The following PRKCA variants were observed in gnomAD, a reference collection of about 807,000 sequenced individuals.
The protein encoded by PRKCA is protein kinase C alpha.
A neutral mutation model predicts 87.0 loss-of-function variants in PRKCA; 27 were observed. That is an observed-to-expected ratio of 0.31 (90% CI 0.23 to 0.43). The LOEUF (loss-of-function observed/expected upper bound fraction) is 0.43. Among genes scored for constraint, PRKCA ranks in the 20% least tolerant of loss-of-function variants. The pLI, the probability that PRKCA is intolerant of heterozygous loss-of-function variation, is 1.00. For synonymous variants in PRKCA, 329 were observed against 311.1 expected (o/e 1.06, Z -0.61); for missense variants, 518 against 852.3 (o/e 0.61, Z 4.88).
chr17:66,321,183 G>A (rs946906000), intron 2 of PRKCA, among the ~76,000 whole-genome samples: 1 of 152,122 alleles, frequency 6.6e-6, no homozygotes, highest in Non-Finnish European at 1.5e-5. Flanking sequence ...ATATTCCATG[G>A]AAAATTTTCC....
At chr17:66,446,516 A>T (rs1219606489) in intron 2 of PRKCA, among the ~76,000 whole-genome samples, 1 of 152,228 alleles carries the variant, frequency 6.6e-6, no homozygotes, top group Non-Finnish European at 1.5e-5. Context: ...CTTGTTTTTC[A>T]TAAGCAGTTG....
At chr17:66,611,639 A>G (rs1970367591) in intron 3 of PRKCA, among the ~76,000 whole-genome samples, 1 of 152,240 alleles carries the variant, frequency 6.6e-6, no homozygotes, top group African/African-American at 2.4e-5. Context: ...TAATTCTGCC[A>G]TGAACATTAC....
At chr17:66,340,366 C>CTTTTTTTTTTTTTTT (rs60167119) in intron 2 of PRKCA, among the ~76,000 whole-genome samples, 1 of 124,200 alleles carries the variant, frequency 8.1e-6, no homozygotes, top group Non-Finnish European at 1.6e-5. Context: ...TGTTTGGTTT[C>CTTTTTTTTTTTTTTT]TTTTTTTTTT....
chr17:66,789,114 A>G, intron 16 of PRKCA, 135 bp downstream of exon 16: 1 of 1,113,790 alleles, frequency 9.0e-7, no homozygotes, highest in South Asian at 1.4e-5. Context: ...GCCAGGTTTC[A>G]GCCTTGTCCT....
chr17:66,457,563 T>C (rs1173010474), intron 2 of PRKCA, among the ~76,000 whole-genome samples: 1 of 152,124 alleles, frequency 6.6e-6, no homozygotes, highest in East Asian at 1.9e-4. Flanking sequence ...TGAACTGTAG[T>C]TCCCATAATC....
chr17:66,676,121 C>G (rs1031734652), intron 5 of PRKCA, among the ~76,000 whole-genome samples: 1 of 152,162 alleles, frequency 6.6e-6, no homozygotes, highest in Non-Finnish European at 1.5e-5. Context: ...CGTGAGGGAA[C>G]TGGCAGCTTC....
chr17:66,504,907 G>C (rs1451875267), intron 3 of PRKCA, among the ~76,000 whole-genome samples: 2 of 152,162 alleles, frequency 1.3e-5, no homozygotes, highest in Non-Finnish European at 2.9e-5. Flanking sequence ...AGAGTGCAAG[G>C]AGGGAAGCCT....
chr17:66,786,864 C>G lies in PRKCA; in HGVS notation c.1606-3C>G, dbSNP rs1975410272. 6.2e-7 allele frequency: 1 copy of G among 1,611,282 alleles called. No individual in the cohort carries two copies. Among genetic ancestry groups the G allele is most frequent in the Non-Finnish European group, 8.5e-7 (1 of 1,177,952 alleles). On this transcript the variant is annotated splice_region_variant and splice_polypyrimidine_tract_variant and intron_variant, in intron 14 of 16. Coordinates refer to ENST00000413366, the MANE Select transcript of PRKCA (RefSeq NM_002737.3). ...TTCCCATCTTTCTTTTTTTCCGGAA[C>G]AGCCTCCATTTGATGGTGAAGATGA...
chr17:66,344,398 G>A (rs752681572), intron 2 of PRKCA, among the ~76,000 whole-genome samples: 2 of 152,194 alleles, frequency 1.3e-5, no homozygotes, highest in Non-Finnish European at 2.9e-5. Flanking sequence ...GCTCACGCCT[G>A]TAATCCCAGC....
intron 2 of PRKCA, among the ~76,000 whole-genome samples, chr17:66,349,865 T>C (rs919353294): frequency 6.6e-6 from 1 of 152,088 alleles, no homozygotes; most frequent in South Asian, 2.1e-4. Flanking sequence ...GTGTGAAACA[T>C]GAAAATGGAG....
intron 2 of PRKCA, among the ~76,000 whole-genome samples, chr17:66,403,186 G>A (rs1469982931): frequency 6.6e-6 from 1 of 152,170 alleles, no homozygotes; most frequent in African/African-American, 2.4e-5. Flanking sequence ...GAAATCTTAT[G>A]CTGGGGACAT....
At chr17:66,493,408 A>ACC (rs1251991167) in intron 2 of PRKCA, among the ~76,000 whole-genome samples, 1 of 151,916 alleles carries the variant, frequency 6.6e-6, no homozygotes, top group Non-Finnish European at 1.5e-5. Context: ...TCTGCTCTGG[A>ACC]AATCCTGCCA....
chr17:66,588,635 C>CTTTTTTTTTTTTTTTTTTTTTTTTTTT, intron 3 of PRKCA, among the ~76,000 whole-genome samples: 1 of 39,108 alleles, frequency 2.6e-5, no homozygotes, highest in Non-Finnish European at 4.5e-5. Context: ...TTTTGCTTTG[C>CTTTTTTTTTTTTTTTTTTTTTTTTTTT]TTTTTTTTTT....
At chr17:66,578,311 C>T (rs72845931) in intron 3 of PRKCA, among the ~76,000 whole-genome samples, 3 of 152,084 alleles carry the variant, frequency 2.0e-5, no homozygotes, top group African/African-American at 7.2e-5. Context: ...GGTCATGTCC[C>T]CATGGGTTTG....
intron 5 of PRKCA, among the ~76,000 whole-genome samples, chr17:66,651,967 T>G (rs1223863020): frequency 1.3e-5 from 2 of 152,232 alleles, no homozygotes; most frequent in African/African-American, 4.8e-5. Context: ...ATTTGTTTAT[T>G]TATTTTTTTG....
Position 66,732,794 on chromosome 17 carries a change from T to C in PRKCA, c.1025T>C (p.Leu342Pro). The C allele has an allele frequency of 6.2e-7, 1 of 1,614,146 alleles. No homozygotes were observed. The highest frequency in any genetic ancestry group is 8.5e-7 in the Non-Finnish European group (1 of 1,180,020). Residue 342 changes from leucine to proline, a missense_variant, in exon 9 of 17, where the codon CTC becomes CCC. Transcript: ENST00000413366. The stretch of plus-strand genomic sequence containing the variant: ...GTGAAACTCACGGACTTCAATTTCC[T>C]CATGGTGTTGGGAAAGGGGAGTTTT... ...DRVKLTDFNF[L>P]MVLGKGSFGK...
rs766268531 is a variant in PRKCA at position 66,496,278 on chromosome 17, A to T, written c.283A>T (p.Thr95Ser). ...SCPGADKGPD[T>S]DDPRSKHKFK... ...TCCGGGTGCGGATAAGGGACCCGAC[A>T]CTGATGTAAGTAGTCCTGAAATCAT... The change falls in exon 3 of 17, where the codon ACT becomes TCT. Residue 95 changes from threonine (T) to serine (S), a missense_variant. Physicochemically the swap from Thr to Ser is moderately conservative, Grantham distance 58. This residue lies in a region of PRKCA where 300 missense variants were observed against 496.8 expected (regional missense o/e 0.60). Transcript: ENST00000413366. 1 of 1,612,558 alleles carries T rather than the reference A, an allele frequency of 6.2e-7. No homozygotes were observed. The highest frequency in any genetic ancestry group is 1.1e-5 in the South Asian group (1 of 91,042).
chr17:66,796,429 G>T (rs1362990918), intron 16 of PRKCA: 41 of 984,876 alleles, frequency 4.2e-5, no homozygotes, highest in Non-Finnish European at 4.9e-5. Context: ...CCTCTCCTTT[G>T]TCCGTTCTTA....
intron 3 of PRKCA, among the ~76,000 whole-genome samples, chr17:66,565,676 A>G (rs1460160555): frequency 6.6e-6 from 1 of 151,686 alleles, no homozygotes; most frequent in Non-Finnish European, 1.5e-5. Flanking sequence ...AGTCTGGAGA[A>G]GGCTGATGCT....
Sources: gnomAD v4.1 joint callset for allele counts (sites outside exome capture counted in the v4.1 genomes callset) on GRCh38, gnomAD v4.1.1 for gene constraint, gnomAD v4.1.1 regional missense constraint, MANE v1.5 for transcripts, NCBI Gene and HGNC (gene_info 2026-07-23, HGNC 2026-07-21) for gene names.